Variants in ARHGAP24 observed in about 807,000 individuals in gnomAD.
ARHGAP24 encodes rho GTPase-activating protein 24.
ARHGAP24 carries 50 observed loss-of-function variants against 76.4 expected under a neutral mutation model. The ratio of observed to expected loss-of-function variants is 0.65; its 90% confidence interval spans 0.52 to 0.83. The LOEUF (loss-of-function observed/expected upper bound fraction) is 0.83, where lower values mean the gene tolerates loss of function less well. ARHGAP24 is among the 40% of genes least tolerant of loss of function. The pLI is 0.00. For missense variants in ARHGAP24, 930 were observed against 914.2 expected, an observed-to-expected ratio of 1.02 and a Z score of -0.22; for synonymous variants, 345 against 323.3, an observed-to-expected ratio of 1.07 and a Z score of -0.72.
chr4:85,868,614 AACAG>A (rs1560683739), intron 3 of ARHGAP24, among the ~76,000 whole-genome samples: 1 of 152,174 alleles, frequency 6.6e-6, no homozygotes, highest in Non-Finnish European at 1.5e-5. Context: ...GGGATCCTGG[AACAG>A]AAAAGGATTA....
chr4:85,620,388 A>T (rs936496464), intron 2 of ARHGAP24, among the ~76,000 whole-genome samples: 54 of 151,992 alleles, frequency 3.6e-4, no homozygotes, highest in African/African-American at 1.3e-3. Context: ...GATAGGTTGT[A>T]TGTTCCCGGC....
chr4:85,940,312 T>C (rs1214107629), intron 4 of ARHGAP24, among the ~76,000 whole-genome samples: 1 of 152,010 alleles, frequency 6.6e-6, no homozygotes, highest in Non-Finnish European at 1.5e-5. Context: ...GTTAATCTTT[T>C]AGCCTTTCCC....
At position 85,995,012 on chromosome 4, in the gene ARHGAP24, C is replaced by G. The variant is rs200239382; in HGVS notation, c.1358C>G (p.Pro453Arg). Reference sequence around the variant, plus strand: ...GGTCTTGAGAAAACCCAAACCACCCCCAATGGGAGCCTACAGGCCAGAAGG... The same window carrying G: ...GGTCTTGAGAAAACCCAAACCACCCGCAATGGGAGCCTACAGGCCAGAAGG... ...AEGLEKTQTT[P>R]NGSLQARRSS... The change falls in exon 9 of 10, where the codon CCC becomes CGC. Residue 453 changes from proline to arginine, a missense_variant. By Grantham distance (103) the Pro-to-Arg change is moderately radical. Coordinates refer to ENST00000395184, the MANE Select transcript of ARHGAP24 (RefSeq NM_001025616.3). 1.2e-6 allele frequency: 2 copies of G among 1,614,044 alleles called. No individual in the cohort carries two copies. The highest frequency in any genetic ancestry group is 1.3e-5 in the African/African-American group (1 of 74,982).
At chr4:85,580,976 T>C (rs985673097) in intron 2 of ARHGAP24, among the ~76,000 whole-genome samples, 2 of 152,194 alleles carry the variant, frequency 1.3e-5, no homozygotes, top group Non-Finnish European at 2.9e-5. Flanking sequence ...TACTCTTATA[T>C]TTTTGAAACT....
chr4:85,736,019 G>A (rs1725591834), intron 3 of ARHGAP24, among the ~76,000 whole-genome samples: 1 of 152,080 alleles, frequency 6.6e-6, no homozygotes, highest in Admixed American at 6.6e-5. Context: ...TTTCTCAAAT[G>A]TGCAATGCAT....
At chr4:85,489,212 A>C (rs1723266368) in intron 1 of ARHGAP24, among the ~76,000 whole-genome samples, 1 of 152,198 alleles carries the variant, frequency 6.6e-6, no homozygotes, top group South Asian at 2.1e-4. Context: ...AAAAACGAAA[A>C]ATAACGGGTT....
At chr4:85,727,583 A>G (rs1578176572) in intron 3 of ARHGAP24, among the ~76,000 whole-genome samples, 1 of 152,278 alleles carries the variant, frequency 6.6e-6, no homozygotes, top group Non-Finnish European at 1.5e-5. Flanking sequence ...CTTATAGACA[A>G]CTGTCAACGC....
At chr4:85,667,309 T>G (rs1411808395) in intron 2 of ARHGAP24, among the ~76,000 whole-genome samples, 1 of 152,178 alleles carries the variant, frequency 6.6e-6, no homozygotes, top group East Asian at 1.9e-4. Flanking sequence ...AGCCAGGTGC[T>G]GGATATAATC....
chr4:85,640,712 G>A (rs1721488185), intron 2 of ARHGAP24, among the ~76,000 whole-genome samples: 1 of 152,012 alleles, frequency 6.6e-6, no homozygotes, highest in Non-Finnish European at 1.5e-5. Context: ...GAATAAAAGG[G>A]TAACAATTAT....
chr4:85,622,257 C>A (rs1346511608), intron 2 of ARHGAP24, among the ~76,000 whole-genome samples: 66 of 91,686 alleles, frequency 7.2e-4, no homozygotes, highest in African/African-American at 2.4e-3. Flanking sequence ...CTCCCCCCAC[C>A]CCAAACAGTC....
At chr4:85,678,123 C>T (rs887706323) in intron 2 of ARHGAP24, among the ~76,000 whole-genome samples, 1 of 152,066 alleles carries the variant, frequency 6.6e-6, no homozygotes, top group Non-Finnish European at 1.5e-5. Context: ...AATTCCAACA[C>T]TTTGGGAAGC....
rs1410021990 is a variant in ARHGAP24 at position 86,000,523 on chromosome 4, T to C, written c.2048T>C (p.Leu683Pro). 4 of 1,551,446 alleles carry C rather than the reference T, an allele frequency of 2.6e-6. No homozygotes were observed. In the Admixed American group the frequency reaches 5.5e-5, roughly 21 times the overall value. Residue 683 changes from leucine to proline, a missense_variant, in exon 10 of 10, where the codon CTC becomes CCC. Physicochemically the swap from Leu to Pro is moderately conservative, Grantham distance 98. Transcript: ENST00000395184. Reference protein sequence around the residue: ...NLTLETEMMSLHDELDQERKK... With the variant: ...NLTLETEMMSPHDELDQERKK... ...ACTTTGGAAACAGAAATGATGAGCC[T>C]CCATGATGAACTGGATCAGGAGAGG...
At chr4:85,617,991 A>G (rs1365672542) in intron 2 of ARHGAP24, among the ~76,000 whole-genome samples, 1 of 152,216 alleles carries the variant, frequency 6.6e-6, no homozygotes, top group Non-Finnish European at 1.5e-5. Flanking sequence ...TTGTGTGTGT[A>G]TATGTAGTAA....
intron 2 of ARHGAP24, among the ~76,000 whole-genome samples, chr4:85,675,502 G>A (rs1458317382): frequency 1.3e-5 from 2 of 152,156 alleles, no homozygotes; most frequent in Non-Finnish European, 1.5e-5. Context: ...AAAAGAACCT[G>A]GAAGGGTCTG....
At chr4:85,505,232 G>A (rs548584704) in intron 1 of ARHGAP24, among the ~76,000 whole-genome samples, 1 of 152,172 alleles carries the variant, frequency 6.6e-6, no homozygotes, top group South Asian at 2.1e-4. Context: ...TATCTTTGTG[G>A]TGTTCTCTGT....
chr4:85,729,084 C>T lies in ARHGAP24; in HGVS notation c.268+7112C>T, dbSNP rs183324570. ...TGTGTTAATTCTGTAAGTTAAAATC[C>T]ATGCAATTATATTTGTTACCCCAAA... On this transcript the variant is annotated intron_variant, in intron 3 of 9. Transcript: ENST00000395184. 5.0e-4 allele frequency among the ~76,000 whole-genome samples: 76 copies of T among 152,066 alleles called. No individual in the cohort carries two copies. In the East Asian group the frequency reaches 0.014, roughly 29 times the overall value.
intron 2 of ARHGAP24, among the ~76,000 whole-genome samples, chr4:85,671,839 A>G (rs910435957): frequency 3.3e-5 from 5 of 152,326 alleles, no homozygotes; most frequent in Admixed American, 6.5e-5. Context: ...CAAATGTACT[A>G]TTGGACACAT....
At chr4:85,689,577 C>G (rs894255025) in intron 2 of ARHGAP24, among the ~76,000 whole-genome samples, 2 of 152,028 alleles carry the variant, frequency 1.3e-5, no homozygotes, top group East Asian at 3.9e-4. Context: ...TTAGCAGAAA[C>G]GAGGTTTTGC....
chr4:85,740,667 A>T (rs1170905183), intron 3 of ARHGAP24, among the ~76,000 whole-genome samples: 1 of 152,202 alleles, frequency 6.6e-6, no homozygotes, highest in African/African-American at 2.4e-5. Flanking sequence ...TATGAGGACT[A>T]TTATATTTCT....
Sources: allele counts gnomAD v4.1 joint callset (sites outside exome capture counted in the v4.1 genomes callset), GRCh38; gene constraint gnomAD v4.1.1; transcripts MANE v1.5; gene names NCBI Gene and HGNC (gene_info 2026-07-23, HGNC 2026-07-21).